The following ESR2 variants were observed in gnomAD, a reference collection of about 807,000 sequenced individuals.
The protein encoded by ESR2 is estrogen receptor beta.
In ESR2, 36 loss-of-function variants were observed where a neutral mutation model predicts 49.6. The ratio of observed to expected loss-of-function variants is 0.73; its 90% CI spans 0.56 to 0.96. The LOEUF is 0.96. Ranked by LOEUF, ESR2 falls within the 40% of genes least tolerant of loss-of-function variation. ESR2 has a pLI of 0.00. For missense variants in ESR2, 714 were observed against 693.0 expected, an observed-to-expected ratio of 1.03 and a Z score of -0.34; for synonymous variants, 320 against 266.1, an observed-to-expected ratio of 1.20 and a Z score of -1.97.
chr14:64,327,901 T>C (rs1199855855), intron 1 of ESR2, among the ~76,000 whole-genome samples: 2 of 149,830 alleles, frequency 1.3e-5, no homozygotes, highest in African/African-American at 4.9e-5. Context: ...ACAAAATATA[T>C]GTATAGTCAA....
upstream of ESR2, among the ~76,000 whole-genome samples, chr14:64,294,937 T>A (rs916104664): frequency 6.6e-6 from 1 of 152,220 alleles, no homozygotes; most frequent in Non-Finnish European, 1.5e-5. Context: ...TCACTTGAAG[T>A]GGCACCGGGG....
At chr14:64,305,306 A>AAATT (rs1804011567) in intron 1 of ESR2, among the ~76,000 whole-genome samples, 1 of 151,402 alleles carries the variant, frequency 6.6e-6, no homozygotes, top group Non-Finnish European at 1.5e-5. Flanking sequence ...AAAAAAAAAA[A>AAATT]AATTAATTAA....
chr14:64,240,274 A>G (rs762068374), intron 7 of ESR2, among the ~76,000 whole-genome samples: 24 of 151,860 alleles, frequency 1.6e-4, no homozygotes, highest in Admixed American at 4.6e-4. Flanking sequence ...AGACAGCCCA[A>G]TGCTTATCTA....
At position 64,228,342 on chromosome 14, in the gene ESR2, CTTTA is replaced by C. The variant is rs1555568311; in HGVS notation, c.*4791_*4794del. ...TTTTTAAAGCCAAAATAATGAAACACTTTATTTATATCATGTTAAACTCTCTACG... is the reference window on the plus strand; with the variant it reads ...TTTTTAAAGCCAAAATAATGAAACACTTTATATCATGTTAAACTCTCTACG... On this transcript the variant is annotated 3_prime_UTR_variant, in exon 9 of 9. Transcript: ENST00000341099. Among the ~76,000 whole-genome samples, 1 of 152,166 alleles carries C rather than the reference CTTTA, an allele frequency of 6.6e-6. No individual in the cohort carries two copies. Among genetic ancestry groups the C allele is most frequent in the Non-Finnish European group, 1.5e-5 (1 of 68,032 alleles).
rs766765307 is a variant in ESR2 at position 64,249,522 on chromosome 14, T to C, written c.1225+24A>G. ...AACAGCATCTCTCCCCGATAAAACATGGCCCAGCTGTGTGATTACTTACTG... is the reference window on the plus strand; with the variant it reads ...AACAGCATCTCTCCCCGATAAAACACGGCCCAGCTGTGTGATTACTTACTG... On this transcript the variant is annotated intron_variant, in intron 7 of 8. Coordinates refer to ENST00000341099, the MANE Select transcript of ESR2 (RefSeq NM_001437.3). 6.8e-6 allele frequency: 11 copies of C among 1,609,146 alleles called. No homozygotes were observed. In the Middle Eastern group the frequency reaches 6.6e-4, roughly 96 times the overall value.
intron 1 of ESR2, among the ~76,000 whole-genome samples, chr14:64,285,508 C>A (rs1247787696): frequency 1.3e-5 from 2 of 152,040 alleles, no homozygotes; most frequent in Admixed American, 1.3e-4. Context: ...ATCAGAACTA[C>A]CTTGAACCCT....
intron 1 of ESR2, among the ~76,000 whole-genome samples, chr14:64,301,802 T>G (rs2077024039): frequency 6.6e-6 from 1 of 152,178 alleles, no homozygotes; most frequent in African/African-American, 2.4e-5. Context: ...AATGACAAAT[T>G]GCTGTAACGT....
At chr14:64,300,752 T>TA (rs1048802815) in intron 1 of ESR2, among the ~76,000 whole-genome samples, 7 of 150,178 alleles carry the variant, frequency 4.7e-5, no homozygotes, top group Non-Finnish European at 7.4e-5. Context: ...ACCTCATCTT[T>TA]AAAAAAAAAA....
intron 7 of ESR2, among the ~76,000 whole-genome samples, chr14:64,248,289 G>A (rs762624235): frequency 6.6e-6 from 1 of 152,016 alleles, no homozygotes; most frequent in South Asian, 2.1e-4. Context: ...AGGACTGCTT[G>A]AGGCCAGGAG....
In ESR2 at chr14:64,318,125, T is replaced by C. The variant is rs114365591; in HGVS notation, c.-91+19773A>G. On this transcript the variant is annotated intron_variant, in intron 1 of 8. Transcript: ENST00000358599. ...CCAAAGAATTGACTTTTAAAATTTC[T>C]GGAACTAATAAACAATTACAGCAAG... Among the ~76,000 whole-genome samples the C allele has an allele frequency of 4.1e-3, 632 of 152,336 alleles. 2 individuals are homozygous for C. Among genetic ancestry groups the C allele is most frequent in the African/African-American group, 0.014 (601 of 41,582 alleles).
chr14:64,273,115 A>G (rs2076482593), intron 3 of ESR2, among the ~76,000 whole-genome samples: 1 of 151,480 alleles, frequency 6.6e-6, no homozygotes, highest in African/African-American at 2.4e-5. Context: ...GCTACTGTAA[A>G]TGAGATCACT....
At chr14:64,262,047 C>T (rs1158851509) in intron 4 of ESR2, among the ~76,000 whole-genome samples, 11 of 151,694 alleles carry the variant, frequency 7.3e-5, no homozygotes, top group Admixed American at 3.9e-4. Context: ...TAAACCATCT[C>T]GCTTTACTTT....
In ESR2 at chr14:64,229,558, G is replaced by A. The variant is rs1174515872; in HGVS notation, c.*3579C>T. On this transcript the variant is annotated 3_prime_UTR_variant, in exon 9 of 9. Coordinates refer to ENST00000341099, the MANE Select transcript of ESR2 (RefSeq NM_001437.3). ...GGGCCCCATTTAAATCACAGCAGCC[G>A]TGCATGTCAGGTTGCACCTGATAGA... Among the ~76,000 whole-genome samples the A allele has an allele frequency of 6.6e-6, 1 of 152,174 alleles. No individual in the cohort carries two copies. Among genetic ancestry groups the A allele is most frequent in the Non-Finnish European group, 1.5e-5 (1 of 68,034 alleles).
intron 5 of ESR2, among the ~76,000 whole-genome samples, chr14:64,259,679 G>C (rs959180139): frequency 1.3e-5 from 2 of 152,148 alleles, no homozygotes; most frequent in African/African-American, 4.8e-5. Context: ...GAGTAACTAA[G>C]CTCATTTTTA....
At chr14:64,250,324 G>C (rs1476934606) in intron 6 of ESR2, among the ~76,000 whole-genome samples, 1 of 152,182 alleles carries the variant, frequency 6.6e-6, no homozygotes, top group Non-Finnish European at 1.5e-5. Flanking sequence ...TTTTTGACTT[G>C]CCAAGGATTA....
At chr14:64,264,202 T>C (rs925061743) in intron 4 of ESR2, among the ~76,000 whole-genome samples, 68 of 152,314 alleles carry the variant, frequency 4.5e-4, no homozygotes, top group Middle Eastern at 6.8e-3. Context: ...CTAAATCAAT[T>C]GTTTACATTT....
chr14:64,248,596 TTTTA>T (rs1340765960), intron 7 of ESR2, among the ~76,000 whole-genome samples: 2 of 152,074 alleles, frequency 1.3e-5, no homozygotes, highest in Non-Finnish European at 2.9e-5. Flanking sequence ...TTCCTGATGA[TTTTA>T]TTTTCTTCCT....
At chr14:64,251,170 A>G (rs1365256158) in intron 6 of ESR2, among the ~76,000 whole-genome samples, 11 of 152,096 alleles carry the variant, frequency 7.2e-5, no homozygotes, top group Non-Finnish European at 1.6e-4. Context: ...TAAGGACAAC[A>G]CAAGCCCTGC....
At chr14:64,227,125 A>G (rs1337603278), downstream of ESR2, 2 of 193,124 alleles carry the variant, frequency 1.0e-5, no homozygotes, top group African/African-American at 2.4e-5. Flanking sequence ...GATACTGAAC[A>G]CAGTTCCTAA....
Sources: allele counts gnomAD v4.1 joint callset (sites outside exome capture counted in the v4.1 genomes callset), GRCh38; gene constraint gnomAD v4.1.1; transcripts MANE v1.5; gene names NCBI Gene and HGNC (gene_info 2026-07-23, HGNC 2026-07-21).